The following COL27A1 variants were observed in gnomAD, a reference collection of about 807,000 sequenced individuals.
COL27A1 encodes collagen type XXVII alpha 1 chain.
Under a neutral mutation model 251.3 loss-of-function variants are expected in COL27A1, and 106 were observed. The observed-to-expected ratio is 0.42, with a 90% CI of 0.36 to 0.50. The LOEUF is 0.50. Ranked by LOEUF, COL27A1 falls within the 20% of genes least tolerant of loss-of-function variation. The probability of loss-of-function intolerance (pLI) is 0.00; values close to 1 mark genes in which losing one functional copy is unlikely to be tolerated. For missense variants in COL27A1, 2,325 were observed against 2,522.8 expected, an observed-to-expected ratio of 0.92 and a Z score of 1.68; for synonymous variants, 1,000 against 986.3, an observed-to-expected ratio of 1.01 and a Z score of -0.26.
At position 114,240,432 on chromosome 9, in the gene COL27A1, A is replaced by G; in HGVS notation, c.2782-2A>G. 1.2e-6 allele frequency: 2 copies of G among 1,613,600 alleles called. No homozygotes were observed. The stretch of plus-strand genomic sequence containing the variant: ...ACTCCCTTTTTGTTCCCTTCTCCCC[A>G]GGGTAAGCCTGGAGCCCGAGGCCTG... On this transcript the variant is annotated splice_acceptor_variant, in intron 20 of 60. Transcript: ENST00000356083. LOFTEE classifies it high-confidence loss of function.
intron 12 of COL27A1, among the ~76,000 whole-genome samples, chr9:114,219,329 A>G (rs1291892061): frequency 6.6e-6 from 1 of 152,170 alleles, no homozygotes; most frequent in Non-Finnish European, 1.5e-5. Flanking sequence ...TTTATCTGTC[A>G]AATGGGGATC....
chr9:114,299,935 G>T, intron 49 of COL27A1, 135 bp from the exon 50 acceptor site: 1 of 755,350 alleles, frequency 1.3e-6, no homozygotes, highest in East Asian at 2.5e-5. Flanking sequence ...ACACTCACTT[G>T]GTCGCTTCAC....
intron 1 of COL27A1, among the ~76,000 whole-genome samples, chr9:114,158,989 C>A (rs1172925898): frequency 6.6e-6 from 1 of 152,206 alleles, no homozygotes; most frequent in African/African-American, 2.4e-5. Flanking sequence ...AGAGAGAGGA[C>A]TAGAATCTGA....
chr9:114,156,387 G>C (rs1294395419), intron 1 of COL27A1, among the ~76,000 whole-genome samples: 1 of 151,904 alleles, frequency 6.6e-6, no homozygotes, highest in African/African-American at 2.4e-5. Flanking sequence ...GGTGTGTTCC[G>C]GTGTCTCAGT....
At chr9:114,288,662 A>C in intron 42 of COL27A1, 40 bp from the exon 43 acceptor site, 1 of 1,596,300 alleles carries the variant, frequency 6.3e-7, no homozygotes, top group South Asian at 1.1e-5. Context: ...CATCCTTGGC[A>C]CCTGGTGGCC....
intron 28 of COL27A1, among the ~76,000 whole-genome samples, chr9:114,259,273 A>G (rs4145612): frequency 0.57 from 86,883 of 151,996 alleles, 25,061 homozygotes; most frequent in East Asian, 0.64. Flanking sequence ...CAGGGCCTCA[A>G]AAGCCACAGC....
intron 1 of COL27A1, 29 bp from the exon 2 acceptor site, chr9:114,162,686 C>A: frequency 6.4e-7 from 1 of 1,558,882 alleles, no homozygotes; most frequent in African/African-American, 1.4e-5. Context: ...AAGCTGATGC[C>A]GCCTCTGCTT....
intron 56 of COL27A1, 61 bp from the exon 57 acceptor site, chr9:114,304,547 C>A: frequency 1.3e-6 from 2 of 1,534,526 alleles, no homozygotes; most frequent in Non-Finnish European, 1.8e-6. Flanking sequence ...GGGGCTCCCA[C>A]TTGATGGGTG....
At chr9:114,302,527 G>A (rs1296102549) in intron 56 of COL27A1, among the ~76,000 whole-genome samples, 1 of 152,072 alleles carries the variant, frequency 6.6e-6, no homozygotes, top group Non-Finnish European at 1.5e-5. Flanking sequence ...AGGAGTTCGA[G>A]ACCAACCTGA....
intron 20 of COL27A1, 46 bp from the exon 21 acceptor site, chr9:114,240,388 T>C (rs748641266): frequency 1.2e-6 from 2 of 1,605,640 alleles, no homozygotes; most frequent in Non-Finnish European, 1.7e-6. Flanking sequence ...GCGATGGAGA[T>C]GGAGGTACCG....
At chr9:114,214,921 G>T (rs1183902902) in intron 12 of COL27A1, among the ~76,000 whole-genome samples, 1 of 152,280 alleles carries the variant, frequency 6.6e-6, no homozygotes, top group African/African-American at 2.4e-5. Context: ...ACTGAGCCAT[G>T]TTTCCCAGCC....
chr9:114,175,090 G>C (rs1477536536), intron 3 of COL27A1, among the ~76,000 whole-genome samples: 2 of 12,030 alleles, frequency 1.7e-4, no homozygotes, highest in Non-Finnish European at 2.9e-4. Flanking sequence ...GACTTGTTCC[G>C]TAGGATGGGG....
chr9:114,282,624 G>C (rs1835994380), intron 39 of COL27A1, 60 bp downstream of exon 39: 3 of 1,122,886 alleles, frequency 2.7e-6, no homozygotes, highest in Non-Finnish European at 3.7e-6. Flanking sequence ...ACCAAGGGCA[G>C]GAAAGGAGAC....
intron 18 of COL27A1, 107 bp from the exon 19 acceptor site, chr9:114,237,555 C>A: frequency 1.1e-6 from 1 of 929,084 alleles, no homozygotes; most frequent in Non-Finnish European, 1.8e-6. Context: ...ATTTTATGCA[C>A]ATGCTTCTGA....
rs1172751208 is a variant in COL27A1 at position 114,265,095 on chromosome 9, C to T, written c.3324C>T (p.Gly1108=). The T allele has an allele frequency of 7.4e-6, 12 of 1,612,268 alleles. No homozygotes were observed. The highest frequency in any genetic ancestry group is 1.0e-5 in the Non-Finnish European group (12 of 1,179,712). The change falls in exon 31 of 61, where the codon GGC becomes GGT. Residue 1108 remains glycine, a synonymous_variant. Transcript: ENST00000356083. ...TGGCTGGTGAGCGAGGCCACTTGGG[C>T]TCGAGAGGCTTTCCTGTAAGTAGCA... ...QGVAGERGHL[G]SRGFPGIPGP...
chr9:114,177,639 C>T (rs1259859960), intron 3 of COL27A1, among the ~76,000 whole-genome samples: 2 of 152,142 alleles, frequency 1.3e-5, no homozygotes, highest in African/African-American at 2.4e-5. Context: ...TTATTGCCTC[C>T]GTTTGTATGG....
rs943974649 is a variant in COL27A1, at chr9:114,205,688, C to T, written c.2170-71C>T. Reference sequence around the variant, plus strand: ...CTTTATTCATTGTCAGCCCCAGTCTCCCAGGGTCCCCCAGACCCAGAGCTG... The same window carrying T: ...CTTTATTCATTGTCAGCCCCAGTCTTCCAGGGTCCCCCAGACCCAGAGCTG... On this transcript the variant is annotated intron_variant, in intron 8 of 60. Transcript: ENST00000356083. 2.2e-5 allele frequency: 31 copies of T among 1,381,510 alleles called. No individual in the cohort carries two copies. The East Asian group carries it at 6.8e-4, about 31-fold the overall frequency. 85.6% of individuals were successfully genotyped at this position (1,381,510 alleles called of 1,614,324 possible).
rs762317284 is a variant in COL27A1, at chr9:114,168,078, G to A, written c.523G>A (p.Gly175Arg). Residue 175 changes from glycine to arginine, a missense_variant, in exon 3 of 61, where the codon GGG (glycine) becomes AGG (arginine). This residue lies in a region of COL27A1 where 1,183 missense variants were observed against 1,144.1 expected (regional missense o/e 1.03). Transcript: ENST00000356083. ...GRTVTLVTAC[G>R]QRRVPVLLPF... ...CACAGTCACTCTGGTGACTGCCTGC[G>A]GGCAGCGCCGGGTGCCTGTCCTGCT... is the stretch of plus-strand genomic sequence containing the variant. The A allele has an allele frequency of 6.3e-5, 101 of 1,610,140 alleles. No homozygotes were observed. The highest frequency in any genetic ancestry group is 7.5e-5 in the Non-Finnish European group (88 of 1,179,940).
intron 5 of COL27A1, among the ~76,000 whole-genome samples, chr9:114,190,440 T>A (rs77381259): frequency 0.022 from 3,281 of 152,122 alleles, 138 homozygotes; most frequent in African/African-American, 0.075. Context: ...CCAGCTAAAT[T>A]TTTTGCTTTT....
Sources: gnomAD v4.1 joint callset for allele counts (sites outside exome capture counted in the v4.1 genomes callset) on GRCh38, gnomAD v4.1.1 for gene constraint, gnomAD v4.1.1 regional missense constraint, MANE v1.5 for transcripts, NCBI Gene and HGNC (gene_info 2026-07-23, HGNC 2026-07-21) for gene names.